The following ABCG1 variants were observed in gnomAD, a reference collection of about 807,000 sequenced individuals.
ABCG1 encodes the protein ATP-binding cassette sub-family G member 1.
A neutral mutation model predicts 69.2 loss-of-function variants in ABCG1; 29 were observed. The ratio of observed to expected loss-of-function variants is 0.42; its 90% confidence interval spans 0.31 to 0.57. The LOEUF (loss-of-function observed/expected upper bound fraction) is 0.57. Among genes scored for constraint, ABCG1 ranks in the 20% least tolerant of loss-of-function variants. ABCG1 has a pLI of 0.15. For synonymous variants in ABCG1, 370 were observed against 374.8 expected (o/e 0.99, Z 0.15); for missense variants, 718 against 898.1 (o/e 0.80, Z 2.56).
upstream of ABCG1, among the ~76,000 whole-genome samples, chr21:42,215,195 C>T (rs1240324055): frequency 6.6e-6 from 1 of 152,208 alleles, no homozygotes; most frequent in African/African-American, 2.4e-5. Flanking sequence ...ACCCCAATGG[C>T]CTGGCTGGTT....
At chr21:42,227,798 G>C (rs934459034) in intron 2 of ABCG1, among the ~76,000 whole-genome samples, 1 of 152,194 alleles carries the variant, frequency 6.6e-6, no homozygotes, top group Non-Finnish European at 1.5e-5. Flanking sequence ...AGAAGGTGAA[G>C]GGGAAGCAAG....
At chr21:42,257,330 G>T (rs225379) in intron 2 of ABCG1, among the ~76,000 whole-genome samples, 1 of 152,212 alleles carries the variant, frequency 6.6e-6, no homozygotes. Context: ...CTGGGCTGGA[G>T]TCTATGTAGA....
chr21:42,293,831 GCACA>G (rs2069145407), intron 13 of ABCG1, among the ~76,000 whole-genome samples: 1 of 140,990 alleles, frequency 7.1e-6, no homozygotes, highest in Admixed American at 7.2e-5. Flanking sequence ...CACTCACTGC[GCACA>G]CAGACTACAC....
chr21:42,231,207 G>C (rs2067896757), intron 2 of ABCG1, among the ~76,000 whole-genome samples: 1 of 152,222 alleles, frequency 6.6e-6, no homozygotes. Flanking sequence ...TCTCCAACAG[G>C]TGAAGCGATT....
intron 2 of ABCG1, among the ~76,000 whole-genome samples, chr21:42,269,248 G>A (rs533293179): frequency 3.3e-4 from 51 of 152,294 alleles, no homozygotes; most frequent in South Asian, 1.7e-3. Flanking sequence ...TGGGGATATC[G>A]CGTGGGTCCC....
intron 2 of ABCG1, among the ~76,000 whole-genome samples, chr21:42,259,113 C>T (rs959819094): frequency 6.6e-6 from 1 of 152,230 alleles, no homozygotes; most frequent in African/African-American, 2.4e-5. Flanking sequence ...GGTGCATCCC[C>T]AGCCTTAGCT....
chr21:42,231,554 A>G (rs1427357950), intron 2 of ABCG1, among the ~76,000 whole-genome samples: 2 of 152,256 alleles, frequency 1.3e-5, no homozygotes, highest in African/African-American at 4.8e-5. Flanking sequence ...GCCATTTCAC[A>G]AGGCCTGTAA....
chr21:42,223,648 G>A (rs1019446331), intron 1 of ABCG1, among the ~76,000 whole-genome samples: 1 of 152,190 alleles, frequency 6.6e-6, no homozygotes, highest in African/African-American at 2.4e-5. Context: ...GCCAGATCTT[G>A]AACTTGAGCT....
chr21:42,282,130 G>T, intron 5 of ABCG1, 144 bp from the exon 6 acceptor site: 3 of 1,122,368 alleles, frequency 2.7e-6, no homozygotes, highest in Non-Finnish European at 3.8e-6. Context: ...GCCTGGAGTG[G>T]GTTCGACTTG....
In ABCG1 at chr21:42,287,352, G is replaced by A. The variant is rs1199763889; in HGVS notation, c.974-537G>A. Among the ~76,000 whole-genome samples the A allele has an allele frequency of 1.3e-5, 2 of 152,182 alleles. No individual in the cohort carries two copies. Among genetic ancestry groups the A allele is most frequent in the African/African-American group, 4.8e-5 (2 of 41,436 alleles). On this transcript the variant is annotated intron_variant, in intron 8 of 14. Coordinates refer to ENST00000398449, the MANE Select transcript of ABCG1 (RefSeq NM_016818.3). The surrounding 1 kb of genome is among the most constrained non-coding windows in gnomAD (Gnocchi z 6.2). Reference sequence around the variant, plus strand: ...GGAGCAGCGGGCAGGGCCGGTGCAGGAGACGCTCACTGGGATCTGAGAGGT... The same window carrying A: ...GGAGCAGCGGGCAGGGCCGGTGCAGAAGACGCTCACTGGGATCTGAGAGGT...
At chr21:42,289,906 C>A in intron 10 of ABCG1, 144 bp from the exon 11 acceptor site, 81 of 823,022 alleles carry the variant, frequency 9.8e-5, no homozygotes, top group Admixed American at 9.9e-5. Flanking sequence ...TGGCTTGTTT[C>A]TCTGGAGGAG....
At chr21:42,256,273 T>C in intron 2 of ABCG1, 1 of 1,506,814 alleles carries the variant, frequency 6.6e-7, no homozygotes, top group Non-Finnish European at 8.9e-7. Flanking sequence ...CTGCCTGCCC[T>C]CCCGCCAGGA....
At chr21:42,265,610 T>C (rs1469455731) in intron 2 of ABCG1, among the ~76,000 whole-genome samples, 2 of 152,170 alleles carry the variant, frequency 1.3e-5, no homozygotes, top group Non-Finnish European at 2.9e-5. Flanking sequence ...AGCACGGCCC[T>C]GAGGGCACTT....
At position 42,284,617 on chromosome 21, in the gene ABCG1, AG is replaced by A; in HGVS notation, c.797del (p.Gly266ValfsTer25). 1.2e-6 allele frequency: 2 copies of A among 1,613,972 alleles called. No homozygotes were observed. The highest frequency in any genetic ancestry group is 8.5e-7 in the Non-Finnish European group (1 of 1,180,012). ...VVSLMKGLAQ[G>X]GRSIICTIHQ... is the part of the protein sequence containing the mutation. Reference sequence around the variant, plus strand: ...TCTCGCTGATGAAAGGGCTCGCTCAAGGGGGTCGCTCCATCATTTGCACCAT... The same window carrying A: ...TCTCGCTGATGAAAGGGCTCGCTCAAGGGGTCGCTCCATCATTTGCACCAT... On this transcript the variant is annotated frameshift_variant, in exon 7 of 15. Coordinates refer to ENST00000398449, the MANE Select transcript of ABCG1 (RefSeq NM_016818.3). LOFTEE classifies it high-confidence loss of function.
In ABCG1 at chr21:42,291,432, G is replaced by A; in HGVS notation, c.1495-66G>A. The A allele has an allele frequency of 1.3e-6, 2 of 1,562,596 alleles. No individual in the cohort carries two copies. ...GCGGGGAAGGGCTGGCTGCCCAGGA[G>A]CTTTGCTGTTGGCCTGCTGTGGTGG... On this transcript the variant is annotated intron_variant, in intron 12 of 14. Coordinates refer to ENST00000398449, the MANE Select transcript of ABCG1 (RefSeq NM_016818.3). The surrounding 1 kb of genome is among the most constrained non-coding windows in gnomAD (Gnocchi z 6.4).
chr21:42,206,552 T>A (rs1308256504), intron 2 of ABCG1, among the ~76,000 whole-genome samples: 1 of 152,136 alleles, frequency 6.6e-6, no homozygotes, highest in Non-Finnish European at 1.5e-5. Context: ...GATTAGATCC[T>A]ATTGATGAAT....
rs1017384850 is a variant in ABCG1, at chr21:42,276,942, A to G, written c.585A>G (p.Glu195=). Reference sequence around the variant, plus strand: ...AGGAGAAGGATGAAGGCAGAAGGGAAATGGTAAGTGGGTTGTTTGGTGCCC... The same window carrying G: ...AGGAGAAGGATGAAGGCAGAAGGGAGATGGTAAGTGGGTTGTTTGGTGCCC... ...KLQEKDEGRR[E]MVKEILTALG... Residue 195 remains glutamate, a synonymous_variant, in exon 5 of 15, where the codon GAA becomes GAG. Coordinates refer to ENST00000398449, the MANE Select transcript of ABCG1 (RefSeq NM_016818.3). This position sits in a 1 kb window ranked among gnomAD's most constrained non-coding sequence, Gnocchi z 5.3. 6.2e-7 allele frequency: 1 copy of G among 1,614,164 alleles called. No individual in the cohort carries two copies. The highest frequency in any genetic ancestry group is 1.3e-5 in the African/African-American group (1 of 75,046).
upstream of ABCG1, among the ~76,000 whole-genome samples, chr21:42,211,293 C>T (rs2067587265): frequency 6.6e-6 from 1 of 152,136 alleles, no homozygotes; most frequent in South Asian, 2.1e-4. Flanking sequence ...AACCAACACA[C>T]AGAGTTGCTA....
At chr21:42,282,809 CT>C (rs1382949191) in intron 6 of ABCG1, among the ~76,000 whole-genome samples, 1 of 152,232 alleles carries the variant, frequency 6.6e-6, no homozygotes, top group Non-Finnish European at 1.5e-5. Flanking sequence ...ACAGCAGAGG[CT>C]CAGAGATGCC....
Sources: allele counts gnomAD v4.1 joint callset (sites outside exome capture counted in the v4.1 genomes callset), GRCh38; gene constraint gnomAD v4.1.1; non-coding constraint Gnocchi (gnomAD v3.1); transcripts MANE v1.5; gene names NCBI Gene and HGNC (gene_info 2026-07-23, HGNC 2026-07-21).